The following RALGDS variants were observed in gnomAD, a reference collection of about 807,000 sequenced individuals.
RALGDS encodes ral guanine nucleotide dissociation stimulator, also known as ral guanine nucleotide exchange factor.
A neutral mutation model predicts 99.8 loss-of-function variants in RALGDS; 44 were observed. That is an observed-to-expected ratio of 0.44 (90% CI 0.35 to 0.57). The LOEUF is 0.57. Among genes scored for constraint, RALGDS ranks in the 20% least tolerant of loss-of-function variants. The probability of loss-of-function intolerance (pLI) is 0.01; values close to 1 mark genes in which losing one functional copy is unlikely to be tolerated. For synonymous variants in RALGDS, 529 were observed against 505.0 expected (o/e 1.05, Z -0.64); for missense variants, 1,022 against 1,203.1 (o/e 0.85, Z 2.23).
intron 1 of RALGDS, among the ~76,000 whole-genome samples, chr9:133,139,069 C>A (rs1832473882): frequency 6.6e-6 from 1 of 152,198 alleles, no homozygotes; most frequent in South Asian, 2.1e-4. Flanking sequence ...TATATGTGCT[C>A]CCTCAGCCAC....
At chr9:133,107,403 T>C (rs1197621829) in intron 6 of RALGDS, 103 bp from the exon 7 acceptor site, 3 of 1,077,818 alleles carry the variant, frequency 2.8e-6, no homozygotes, top group South Asian at 1.3e-5. Flanking sequence ...CTCTGGGTTT[T>C]ATCCCGTGTC....
intron 5 of RALGDS, 34 bp from the exon 6 acceptor site, chr9:133,108,440 C>G: frequency 6.6e-7 from 1 of 1,525,298 alleles, no homozygotes; most frequent in South Asian, 1.2e-5. Flanking sequence ...AACATGCCAG[C>G]CTTTCCTGTG....
chr9:133,102,247 C>T, intron 14 of RALGDS, 108 bp from the exon 15 acceptor site: 5 of 1,266,840 alleles, frequency 3.9e-6, no homozygotes, highest in Non-Finnish European at 5.5e-6. Flanking sequence ...GGACAGTTGC[C>T]AGTACTCCAT....
rs79147213 is a variant in RALGDS at position 133,105,473 on chromosome 9, C to T, written c.1602+459G>A. 3.8e-3 allele frequency among the ~76,000 whole-genome samples: 580 copies of T among 152,268 alleles called. 6 individuals carry two copies. Among genetic ancestry groups the T allele is most frequent in the African/African-American group, 0.014 (565 of 41,530 alleles). On this transcript the variant is annotated intron_variant, in intron 9 of 17. Coordinates refer to ENST00000372050, the MANE Select transcript of RALGDS (RefSeq NM_006266.4). ...GGTCTGGCCACCTGGCCCCTGGCAT[C>T]CCCTGCAGCTCCTGTCCCTGGGGTA...
At chr9:133,120,428 A>ACCCCCCCCCCC (rs71378548) in intron 1 of RALGDS, among the ~76,000 whole-genome samples, 32 of 59,982 alleles carry the variant, frequency 5.3e-4, no homozygotes, top group East Asian at 6.6e-4. Context: ...CCATCCCCCG[A>ACCCCCCCCCCC]CCCCCCCCCC....
At chr9:133,137,772 G>T (rs905315926) in intron 1 of RALGDS, among the ~76,000 whole-genome samples, 3 of 152,244 alleles carry the variant, frequency 2.0e-5, no homozygotes, top group Non-Finnish European at 2.9e-5. Context: ...AACCTAGGGG[G>T]TTTTCCCTTC....
intron 8 of RALGDS, 137 bp from the exon 9 acceptor site, chr9:133,106,153 C>T (rs1831042842): frequency 1.4e-6 from 1 of 701,968 alleles, no homozygotes; most frequent in East Asian, 3.0e-5. Flanking sequence ...AGCACTAACG[C>T]TCTGCAGGTC....
chr9:133,110,555 G>T, intron 2 of RALGDS, 66 bp from the exon 3 acceptor site: 1 of 1,416,198 alleles, frequency 7.1e-7, no homozygotes, highest in Non-Finnish European at 9.9e-7. Flanking sequence ...AGCTCAGATG[G>T]AACCCCGAGC....
At chr9:133,109,474 AG>A in intron 4 of RALGDS, 151 bp downstream of exon 4, 1 of 758,198 alleles carries the variant, frequency 1.3e-6, no homozygotes, top group Non-Finnish European at 2.3e-6. Context: ...CTGCAGGCGA[AG>A]CCCCCAGACC....
intron 3 of RALGDS, 98 bp downstream of exon 3, chr9:133,110,198 G>T (rs1192388482): frequency 4.0e-6 from 5 of 1,256,972 alleles, no homozygotes; most frequent in Non-Finnish European, 5.7e-6. Flanking sequence ...GCAAAGCGAG[G>T]CTCAGAGAGG....
intron 1 of RALGDS, among the ~76,000 whole-genome samples, chr9:133,129,810 CTTTT>C (rs35514711): frequency 3.9e-5 from 5 of 129,652 alleles, no homozygotes; most frequent in Admixed American, 2.5e-4. Flanking sequence ...TTCCTTTCTT[CTTTT>C]TTTTTTTTTT....
chr9:133,100,898 A>G (rs1830724701), intron 16 of RALGDS: 6 of 1,048,560 alleles, frequency 5.7e-6, no homozygotes, highest in African/African-American at 3.4e-5. Flanking sequence ...GCTCCTGGCA[A>G]TGAGGGGTCA....
chr9:133,101,282 C>G, intron 16 of RALGDS: 1 of 1,364,626 alleles, frequency 7.3e-7, no homozygotes, highest in Non-Finnish European at 9.8e-7. Context: ...CCTCACCTCC[C>G]CTACAGCACC....
chr9:133,106,709 T>C lies in RALGDS; in HGVS notation c.1453A>G (p.Ile485Val), dbSNP rs768181135. 2.5e-6 allele frequency: 4 copies of C among 1,612,688 alleles called. No homozygotes were observed. In the South Asian group the frequency reaches 4.4e-5, roughly 18 times the overall value. The change falls in exon 8 of 18, where the codon ATC becomes GTC. Residue 485 changes from isoleucine to valine, a missense_variant. Coordinates refer to ENST00000372050, the MANE Select transcript of RALGDS (RefSeq NM_006266.4). ...ILKNFSSLYA[I>V]LSALQSNSIH... ...GAGTTGCTCTGCAGGGCAGAGAGGATGGCATACAGTGACGAGAAGTTCTTG... is the reference window on the plus strand; with the variant it reads ...GAGTTGCTCTGCAGGGCAGAGAGGACGGCATACAGTGACGAGAAGTTCTTG...
rs115813080 is a variant in RALGDS, at chr9:133,129,151, C to T, written c.132+1801G>A. On this transcript the variant is annotated intron_variant, in intron 1 of 17. Coordinates refer to the RALGDS transcript ENST00000372062. ...CCTGGAAACTCACCTCGGTGGTGGC[C>T]GGTGCTGGCAGAGGTGCCAGCCAAG... is the stretch of plus-strand genomic sequence containing the variant. 7.1e-4 allele frequency: 1,128 copies of T among 1,594,412 alleles called. 7 individuals are homozygous for T. In the African/African-American group the frequency reaches 0.013, roughly 18 times the overall value.
chr9:133,102,925 C>CCAGA, intron 12 of RALGDS, 25 bp from the exon 13 acceptor site: 1 of 1,611,908 alleles, frequency 6.2e-7, no homozygotes, highest in South Asian at 1.1e-5. Context: ...AAGCACAGGG[C>CCAGA]GGTGACAAGG....
Position 133,103,765 on chromosome 9 carries a change from G to A in RALGDS, c.1740C>T (p.Ala580=), listed in dbSNP as rs1830874393. ...CACTCACATACAGATAGTCCTTCAT[G>A]GCAGTGTCCAGCATCACCAGGTCGG... The part of the protein sequence containing the change: ...FLTDLVMLDT[A]MKDYLYGRLI... Residue 580 remains alanine, a synonymous_variant, in exon 11 of 18, where the codon GCC becomes GCT. Coordinates refer to ENST00000372050, the MANE Select transcript of RALGDS (RefSeq NM_006266.4). The A allele has an allele frequency of 1.2e-6, 2 of 1,613,182 alleles. No homozygotes were observed. Among genetic ancestry groups the A allele is most frequent in the Admixed American group, 1.7e-5 (1 of 59,982 alleles).
chr9:133,098,704 A>T lies in RALGDS; in HGVS notation c.2628T>A (p.Tyr876Ter). Residue 876 changes from tyrosine (Y) to a stop codon, truncating the protein, a stop_gained, in exon 18 of 18, where the codon TAT (tyrosine) becomes TAA (stop). Coordinates refer to ENST00000372050, the MANE Select transcript of RALGDS (RefSeq NM_006266.4). LOFTEE classifies it high-confidence loss of function. ...VFYAMNSTANYDFVLKKRTFT... is the reference protein window; with the variant it reads ...VFYAMNSTAN ...AGGTCCGCTTCTTGAGGACAAAGTC[A>T]TAGTTGGCGGTAGAGTTCATGGCAT... 1.2e-6 allele frequency: 2 copies of T among 1,614,130 alleles called. No homozygotes were observed. The highest frequency in any genetic ancestry group is 1.7e-6 in the Non-Finnish European group (2 of 1,180,006).
upstream of RALGDS, among the ~76,000 whole-genome samples, chr9:133,124,079 G>C (rs1451176311): frequency 3.0e-5 from 3 of 100,530 alleles, no homozygotes; most frequent in African/African-American, 1.2e-4. Flanking sequence ...CACACACACA[G>C]ACACAAAGAT....
Sources: gnomAD v4.1 joint callset for allele counts (sites outside exome capture counted in the v4.1 genomes callset) on GRCh38, gnomAD v4.1.1 for gene constraint, MANE v1.5 for transcripts, NCBI Gene and HGNC (gene_info 2026-07-23, HGNC 2026-07-21) for gene names.